ERC2: variants seen among roughly 807,000 people sequenced by gnomAD.
ERC2 encodes ELKS/RAB6-interacting/CAST family member 2, also known as ERC protein 2.
ERC2 carries 42 observed loss-of-function variants against 114.8 expected under a neutral mutation model. The observed-to-expected ratio is 0.37, with a 90% confidence interval of 0.29 to 0.47. ERC2 has a LOEUF of 0.47. Ranked by LOEUF, ERC2 falls within the 20% of genes least tolerant of loss-of-function variation. The pLI is 0.99. For synonymous variants in ERC2, 454 were observed against 425.5 expected, an observed-to-expected ratio of 1.07 and a Z score of -0.82; for missense variants, 939 against 1,150.7, an observed-to-expected ratio of 0.82 and a Z score of 2.66.
At chr3:55,745,611 G>T in intron 14 of ERC2, among the ~76,000 whole-genome samples, 1 of 152,154 alleles carries the variant, frequency 6.6e-6, no homozygotes, top group East Asian at 1.9e-4. Flanking sequence ...AGCTTTCTAT[G>T]TGAAATACAC....
rs188359390 is a variant in ERC2, at chr3:55,854,828, A to G, written c.2564+33561T>C. ...GGGATTCGCATTCCTATGGGCCTGCATACTGTAAACTGGGGATGGGGAAGG... is the reference window on the plus strand; with the variant it reads ...GGGATTCGCATTCCTATGGGCCTGCGTACTGTAAACTGGGGATGGGGAAGG... On this transcript the variant is annotated intron_variant, in intron 14 of 17. Transcript: ENST00000288221. Among the ~76,000 whole-genome samples the G allele has an allele frequency of 5.3e-3, 802 of 152,098 alleles. 9 individuals carry two copies. Among genetic ancestry groups the G allele is most frequent in the African/African-American group, 0.018 (766 of 41,524 alleles).
intron 6 of ERC2, among the ~76,000 whole-genome samples, chr3:56,131,126 C>T (rs1272761424): frequency 6.6e-6 from 1 of 151,986 alleles, no homozygotes; most frequent in South Asian, 2.1e-4. Context: ...ATTTTTTTTC[C>T]TACTGGTAAT....
intron 2 of ERC2, among the ~76,000 whole-genome samples, chr3:56,410,649 G>T (rs2060907199): frequency 6.6e-6 from 1 of 152,058 alleles, no homozygotes; most frequent in East Asian, 1.9e-4. Context: ...TGTCTGCTTT[G>T]GTTTTGGTGT....
chr3:55,817,051 A>C (rs558828799), intron 14 of ERC2, among the ~76,000 whole-genome samples: 35 of 152,316 alleles, frequency 2.3e-4, no homozygotes, highest in African/African-American at 7.2e-4. Flanking sequence ...CCACTTTCAA[A>C]GGTAAGGCTT....
intron 8 of ERC2, among the ~76,000 whole-genome samples, chr3:56,015,947 T>C (rs1176923610): frequency 6.6e-6 from 1 of 152,226 alleles, no homozygotes; most frequent in Non-Finnish European, 1.5e-5. Flanking sequence ...TTTGCATTTC[T>C]CTAATGATCA....
At chr3:56,036,009 CT>C (rs1407691326) in intron 7 of ERC2, among the ~76,000 whole-genome samples, 5 of 152,182 alleles carry the variant, frequency 3.3e-5, no homozygotes, top group African/African-American at 9.6e-5. Context: ...AAGAGTCATA[CT>C]TCATGATCTA....
intron 1 of ERC2, among the ~76,000 whole-genome samples, chr3:56,455,040 G>T (rs2063002209): frequency 6.6e-6 from 1 of 152,030 alleles, no homozygotes; most frequent in Non-Finnish European, 1.5e-5. Flanking sequence ...GTGGTTTCCA[G>T]GGGCTGGGGG....
intron 7 of ERC2, among the ~76,000 whole-genome samples, chr3:56,031,949 C>T (rs1218970628): frequency 6.6e-6 from 1 of 152,156 alleles, no homozygotes; most frequent in Non-Finnish European, 1.5e-5. Context: ...GGAGGTGTTT[C>T]AGTCATGGGA....
At chr3:55,742,054 A>G (rs563625317) in intron 14 of ERC2, among the ~76,000 whole-genome samples, 1 of 151,894 alleles carries the variant, frequency 6.6e-6, no homozygotes, top group Non-Finnish European at 1.5e-5. Context: ...TAGTCAAGAT[A>G]CAGCTAATAA....
intron 2 of ERC2, among the ~76,000 whole-genome samples, chr3:56,306,505 A>G (rs1253495709): frequency 6.6e-6 from 1 of 152,260 alleles, no homozygotes; most frequent in Non-Finnish European, 1.5e-5. Flanking sequence ...CAGAGAATAT[A>G]TACAACATCA....
intron 17 of ERC2, among the ~76,000 whole-genome samples, chr3:55,673,393 G>A (rs2061643669): frequency 6.6e-6 from 1 of 152,072 alleles, no homozygotes; most frequent in Non-Finnish European, 1.5e-5. Flanking sequence ...GACCATCCTG[G>A]CCAACATGGT....
intron 2 of ERC2, among the ~76,000 whole-genome samples, chr3:56,349,917 A>AAG (rs2058485967): frequency 6.6e-6 from 1 of 151,968 alleles, no homozygotes; most frequent in African/African-American, 2.4e-5. Context: ...CGTCTCAAAA[A>AAG]AAAAAAAAGA....
At chr3:55,980,601 A>AT (rs1005066838) in intron 12 of ERC2, among the ~76,000 whole-genome samples, 13 of 152,186 alleles carry the variant, frequency 8.5e-5, no homozygotes, top group South Asian at 4.1e-4. Flanking sequence ...CTAAGAAACT[A>AT]TTTTTTTAAA....
At chr3:55,788,630 G>A (rs1352902798) in intron 14 of ERC2, among the ~76,000 whole-genome samples, 1 of 152,070 alleles carries the variant, frequency 6.6e-6, no homozygotes, top group Non-Finnish European at 1.5e-5. Flanking sequence ...TTCTGCAGCT[G>A]GTTGGTCAGC....
chr3:56,205,009 C>G (rs1430917184), intron 3 of ERC2, among the ~76,000 whole-genome samples: 1 of 151,464 alleles, frequency 6.6e-6, no homozygotes, highest in East Asian at 1.9e-4. Flanking sequence ...TCTTTGAATT[C>G]TTTCTCTTCA....
chr3:56,318,272 A>G (rs997518400), intron 2 of ERC2, among the ~76,000 whole-genome samples: 21 of 152,124 alleles, frequency 1.4e-4, no homozygotes, highest in African/African-American at 5.1e-4. Context: ...CTACAGCCTC[A>G]ACCTCCTGGG....
At chr3:56,141,388 C>T (rs959740083) in intron 5 of ERC2, among the ~76,000 whole-genome samples, 10 of 152,188 alleles carry the variant, frequency 6.6e-5, no homozygotes, top group Admixed American at 5.2e-4. Context: ...TCTGCTTCTA[C>T]CCACTGGAAG....
chr3:55,635,912 T>C (rs1038035654), intron 17 of ERC2, among the ~76,000 whole-genome samples: 5 of 152,084 alleles, frequency 3.3e-5, no homozygotes, highest in African/African-American at 4.8e-5. Flanking sequence ...ATGGAGTCTC[T>C]CTGTCTCCTA....
chr3:55,529,032 A>C (rs1457319780), intron 17 of ERC2, among the ~76,000 whole-genome samples: 1 of 152,228 alleles, frequency 6.6e-6, no homozygotes, highest in Non-Finnish European at 1.5e-5. Flanking sequence ...CATATGAAGC[A>C]GAAACCAGAG....
Sources: gnomAD v4.1 joint callset for allele counts (sites outside exome capture counted in the v4.1 genomes callset) on GRCh38, gnomAD v4.1.1 for gene constraint, MANE v1.5 for transcripts, NCBI Gene and HGNC (gene_info 2026-07-23, HGNC 2026-07-21) for gene names.